The following SAMD12 variants were observed in gnomAD, a reference collection of about 807,000 sequenced individuals.
SAMD12 encodes the protein sterile alpha motif domain containing 12, also known as sterile alpha motif domain-containing protein 12.
Under a neutral mutation model 15.0 loss-of-function variants are expected in SAMD12, and 9 were observed. The observed-to-expected ratio is 0.60, with a 90% CI of 0.36 to 1.05. The LOEUF is 1.05. Ranked by LOEUF, SAMD12 falls within the 50% of genes least tolerant of loss-of-function variation. SAMD12 has a pLI of 0.01. For missense variants in SAMD12, 230 were observed against 234.2 expected, an observed-to-expected ratio of 0.98 and a Z score of 0.12; for synonymous variants, 86 against 90.1, an observed-to-expected ratio of 0.96 and a Z score of 0.25.
At chr8:118,447,094 C>T (rs1158451288) in intron 2 of SAMD12, among the ~76,000 whole-genome samples, 1 of 152,104 alleles carries the variant, frequency 6.6e-6, no homozygotes, top group African/African-American at 2.4e-5. Flanking sequence ...CATAGACTTT[C>T]GTCTTTCTCT....
At chr8:118,148,373 G>A in the SAMD12 span, among the ~76,000 whole-genome samples, 1 of 151,828 alleles carries the variant, frequency 6.6e-6, no homozygotes. Flanking sequence ...ATTAATTTTG[G>A]GTATGTATAT....
chr8:118,324,345 A>G (rs535077802), intron 4 of SAMD12, among the ~76,000 whole-genome samples: 2 of 152,316 alleles, frequency 1.3e-5, no homozygotes, highest in South Asian at 4.1e-4. Flanking sequence ...TCTGACTACA[A>G]TTAAGGTGAT....
At chr8:118,428,126 C>T (rs924684864) in intron 3 of SAMD12, among the ~76,000 whole-genome samples, 1 of 152,132 alleles carries the variant, frequency 6.6e-6, no homozygotes, top group Non-Finnish European at 1.5e-5. Flanking sequence ...GGGTTGTCTT[C>T]TTGAGTTTTA....
chr8:118,601,010 C>T (rs1216113592), intron 1 of SAMD12, among the ~76,000 whole-genome samples: 1 of 152,146 alleles, frequency 6.6e-6, no homozygotes, highest in Non-Finnish European at 1.5e-5. Flanking sequence ...TCAACTCCAA[C>T]TGAAGACCAA....
intron 4 of SAMD12, among the ~76,000 whole-genome samples, chr8:118,324,896 C>A (rs1455801267): frequency 6.6e-6 from 1 of 152,148 alleles, no homozygotes; most frequent in African/African-American, 2.4e-5. Flanking sequence ...ATGTCCAGTG[C>A]TGCCTAGAAC....
chr8:118,603,116 C>CA (rs1827898934), intron 1 of SAMD12, among the ~76,000 whole-genome samples: 1 of 151,776 alleles, frequency 6.6e-6, no homozygotes, highest in Non-Finnish European at 1.5e-5. Flanking sequence ...TGAAAAATAG[C>CA]AAACATACAC....
At chr8:118,169,997 C>T in the SAMD12 span, among the ~76,000 whole-genome samples, 13 of 152,128 alleles carry the variant, frequency 8.5e-5, no homozygotes, top group African/African-American at 2.4e-4. Context: ...TTGTGGTGGG[C>T]TGCATTGAGC....
the SAMD12 span, among the ~76,000 whole-genome samples, chr8:118,132,970 GTGTATATATATATATATATATA>G: frequency 6.7e-4 from 45 of 67,536 alleles, 1 homozygote; most frequent in South Asian, 1.7e-3. Context: ...ATGTGTGTGT[GTGTATATATATATATATATATA>G]TATATATATA....
intron 4 of SAMD12, among the ~76,000 whole-genome samples, chr8:118,349,532 C>T (rs192470244): frequency 6.6e-6 from 1 of 152,210 alleles, no homozygotes; most frequent in African/African-American, 2.4e-5. Context: ...CTGCTGGCAA[C>T]TTTCCTCAGG....
At chr8:118,267,885 G>C (rs1418464261) in intron 4 of SAMD12, among the ~76,000 whole-genome samples, 1 of 152,286 alleles carries the variant, frequency 6.6e-6, no homozygotes, top group Non-Finnish European at 1.5e-5. Context: ...GAGGTCAGGA[G>C]TTTGAGACCA....
chr8:118,203,187 C>T (rs1222988105), intron 4 of SAMD12, among the ~76,000 whole-genome samples: 1 of 152,148 alleles, frequency 6.6e-6, no homozygotes, highest in East Asian at 1.9e-4. Flanking sequence ...ACTGTGTTTG[C>T]ATAAAAGAAT....
intron 4 of SAMD12, among the ~76,000 whole-genome samples, chr8:118,345,977 C>T (rs901060086): frequency 3.9e-5 from 6 of 152,176 alleles, no homozygotes; most frequent in Non-Finnish European, 8.8e-5. Flanking sequence ...TGGGGCTAAC[C>T]ACCGTCTCCA....
At chr8:118,507,270 A>G (rs2131055750) in intron 2 of SAMD12, among the ~76,000 whole-genome samples, 1 of 152,140 alleles carries the variant, frequency 6.6e-6, no homozygotes, top group Middle Eastern at 3.4e-3. Flanking sequence ...AGGTGAAATG[A>G]CACAGCCTCC....
intron 2 of SAMD12, among the ~76,000 whole-genome samples, chr8:118,556,807 A>G (rs1586817137): frequency 6.6e-6 from 1 of 152,110 alleles, no homozygotes; most frequent in African/African-American, 2.4e-5. Context: ...TACTAAAGAT[A>G]CAAAAAATTG....
At chr8:118,341,577 G>C (rs974488282) in intron 4 of SAMD12, among the ~76,000 whole-genome samples, 2 of 152,256 alleles carry the variant, frequency 1.3e-5, no homozygotes, top group African/African-American at 4.8e-5. Context: ...CTGGGATCAG[G>C]ATGCCAGCGT....
chr8:118,227,692 A>C (rs1812218259), intron 4 of SAMD12, among the ~76,000 whole-genome samples: 1 of 152,162 alleles, frequency 6.6e-6, no homozygotes, highest in Non-Finnish European at 1.5e-5. Context: ...ATATTTAACT[A>C]ATACAAAATG....
chr8:118,177,239 ATT>A, the SAMD12 span, among the ~76,000 whole-genome samples: 1,040 of 137,048 alleles, frequency 7.6e-3, 2 homozygotes, highest in Middle Eastern at 0.019. Context: ...GCCACAGAGA[ATT>A]TTTTTTTTTT....
chr8:118,509,466 A>T (rs144439179), intron 2 of SAMD12, among the ~76,000 whole-genome samples: 1 of 152,156 alleles, frequency 6.6e-6, no homozygotes, highest in African/African-American at 2.4e-5. Flanking sequence ...AACAGAAATT[A>T]TATGTGTCTT....
At chr8:118,293,587 C>T (rs1312399605) in intron 4 of SAMD12, among the ~76,000 whole-genome samples, 2 of 152,166 alleles carry the variant, frequency 1.3e-5, no homozygotes, top group East Asian at 1.9e-4. Context: ...TTTAGGATTA[C>T]CATAGCCAGT....
Sources: allele counts gnomAD v4.1 joint callset (sites outside exome capture counted in the v4.1 genomes callset), GRCh38; gene constraint gnomAD v4.1.1; transcripts MANE v1.5; gene names NCBI Gene and HGNC (gene_info 2026-07-23, HGNC 2026-07-21).